ERGIC1: variants seen among roughly 807,000 people sequenced by gnomAD.
The protein encoded by ERGIC1 is endoplasmic reticulum-golgi intermediate compartment 1, also known as endoplasmic reticulum-Golgi intermediate compartment protein 1.
ERGIC1 carries 19 observed loss-of-function variants against 38.3 expected under a neutral mutation model. The ratio of observed to expected loss-of-function variants is 0.50; its 90% CI spans 0.35 to 0.73. The LOEUF (loss-of-function observed/expected upper bound fraction) is 0.73. Among genes scored for constraint, ERGIC1 ranks in the 30% least tolerant of loss-of-function variants. The pLI, the probability that ERGIC1 is intolerant of heterozygous loss-of-function variation, is 0.01. For synonymous variants in ERGIC1, 124 were observed against 157.6 expected (o/e 0.79, Z 1.60); for missense variants, 294 against 389.2 (o/e 0.76, Z 2.06).
intron 1 of ERGIC1, among the ~76,000 whole-genome samples, chr5:172,842,683 GT>G (rs894059748): frequency 7.2e-5 from 11 of 152,118 alleles, no homozygotes; most frequent in African/African-American, 2.2e-4. Context: ...CATGTCTTTT[GT>G]TTTTCTGGTA....
At chr5:172,900,135 G>A (rs1259298504) in intron 3 of ERGIC1, among the ~76,000 whole-genome samples, 1 of 152,194 alleles carries the variant, frequency 6.6e-6, no homozygotes, top group Non-Finnish European at 1.5e-5. Context: ...CTGAGGCAAT[G>A]GGCTGCCAAC....
intron 1 of ERGIC1, among the ~76,000 whole-genome samples, chr5:172,880,837 T>G (rs1048145181): frequency 3.3e-5 from 5 of 152,244 alleles, no homozygotes; most frequent in African/African-American, 9.6e-5. Context: ...ATAAACCGCG[T>G]GCCCAGCTAG....
chr5:172,873,089 C>T (rs1330473010), intron 1 of ERGIC1, among the ~76,000 whole-genome samples: 1 of 152,268 alleles, frequency 6.6e-6, no homozygotes, highest in Non-Finnish European at 1.5e-5. Flanking sequence ...CGGAATAGCT[C>T]CTGCCGCTCA....
intron 1 of ERGIC1, among the ~76,000 whole-genome samples, chr5:172,849,390 C>G (rs114118626): frequency 1.3e-5 from 2 of 152,136 alleles, no homozygotes; most frequent in Admixed American, 1.3e-4. Flanking sequence ...TTCTTAGGGT[C>G]AGGCAAGCTG....
rs1435408555 is a variant in ERGIC1 at position 172,834,746 on chromosome 5, TG to T, written c.20+316del. Among the ~76,000 whole-genome samples, 3 of 151,832 alleles carry T rather than the reference TG, an allele frequency of 2.0e-5. No individual in the cohort carries two copies. The highest frequency in any genetic ancestry group is 3.9e-4 in the East Asian group (2 of 5,136). ...GAAACATTTCCTCCCTCCTCCCAGATGGGAACAGCCCATAACACCCCAGCAT... is the reference window on the plus strand; with the variant it reads ...GAAACATTTCCTCCCTCCTCCCAGATGGAACAGCCCATAACACCCCAGCAT... On this transcript the variant is annotated intron_variant, in intron 1 of 9. Transcript: ENST00000393784. The surrounding 1 kb of genome is among the most constrained non-coding windows in gnomAD (Gnocchi z 4.1).
rs531430067 is a variant in ERGIC1 at position 172,898,761 on chromosome 5, T to C, written c.155+1687T>C. On this transcript the variant is annotated intron_variant, in intron 3 of 9. Transcript: ENST00000393784. ...CAGCTCTGGGAGAGGTTGGTCTGCTTCCCAAGACATGACCCTGTGGCCATG... is the reference window on the plus strand; with the variant it reads ...CAGCTCTGGGAGAGGTTGGTCTGCTCCCCAAGACATGACCCTGTGGCCATG... 2.1e-3 allele frequency among the ~76,000 whole-genome samples: 326 copies of C among 152,156 alleles called. 1 individual carries two copies. The highest frequency in any genetic ancestry group is 3.6e-3 in the Non-Finnish European group (245 of 68,008).
rs1279741580 is a variant in ERGIC1 at position 172,834,347 on chromosome 5, G to A, written c.-67G>A. ...GGCGGCCGGAGGAGGCGTTGGCAGC[G>A]GGCTCGGACCCACGCGGCGCCGCGG... On this transcript the variant is annotated 5_prime_UTR_variant, in exon 1 of 10. Coordinates refer to ENST00000393784, the MANE Select transcript of ERGIC1 (RefSeq NM_001031711.3). The surrounding 1 kb of genome is among the most constrained non-coding windows in gnomAD (Gnocchi z 4.1). 3 of 1,213,146 alleles carry A rather than the reference G, an allele frequency of 2.5e-6. No homozygotes were observed. The highest frequency in any genetic ancestry group is 3.8e-5 in the South Asian group (1 of 26,430). The allele number at this position is 1,213,146 out of a possible 1,614,324, so 75.1% of individuals were successfully genotyped here. A position where few individuals can be genotyped will look rare whatever the true frequency, so the allele number is the denominator to read the frequency against.
chr5:172,871,220 G>A (rs1384983021), intron 1 of ERGIC1, among the ~76,000 whole-genome samples: 5 of 152,254 alleles, frequency 3.3e-5, no homozygotes. Flanking sequence ...AGAAAGGGAT[G>A]CGTGAGCTGA....
chr5:172,851,053 T>C (rs1761390554), intron 1 of ERGIC1, among the ~76,000 whole-genome samples: 2 of 149,346 alleles, frequency 1.3e-5, no homozygotes, highest in Admixed American at 1.3e-4. Flanking sequence ...TACAAAAAAT[T>C]AGCCGGGCAT....
intron 4 of ERGIC1, among the ~76,000 whole-genome samples, chr5:172,912,831 T>C (rs1275590550): frequency 6.6e-6 from 1 of 150,614 alleles, no homozygotes; most frequent in Non-Finnish European, 1.5e-5. Context: ...TACAGTGGCA[T>C]GATCTCAGCT....
intron 9 of ERGIC1, among the ~76,000 whole-genome samples, chr5:172,948,897 T>TA (rs1052071376): frequency 1.3e-5 from 2 of 151,638 alleles, no homozygotes; most frequent in Non-Finnish European, 2.9e-5. Flanking sequence ...AATTAAAAAT[T>TA]AAAAAAAATT....
At chr5:172,850,042 A>G (rs1282071074) in intron 1 of ERGIC1, among the ~76,000 whole-genome samples, 1 of 152,144 alleles carries the variant, frequency 6.6e-6, no homozygotes, top group African/African-American at 2.4e-5. Flanking sequence ...GGGTGTGTCA[A>G]CGTCGTGTGC....
At chr5:172,884,821 A>G (rs62387378) in intron 1 of ERGIC1, among the ~76,000 whole-genome samples, 1 of 152,204 alleles carries the variant, frequency 6.6e-6, no homozygotes, top group Non-Finnish European at 1.5e-5. Flanking sequence ...TATGATACGT[A>G]TATATACATG....
At chr5:172,929,643 T>C (rs1455857595) in intron 7 of ERGIC1, among the ~76,000 whole-genome samples, 1 of 152,110 alleles carries the variant, frequency 6.6e-6, no homozygotes, top group Non-Finnish European at 1.5e-5. Context: ...ATTAGGTCAT[T>C]GTTTATAAAA....
Position 172,908,305 on chromosome 5 carries a change from G to T in ERGIC1, c.156-1362G>T, listed in dbSNP as rs866417319. Among the ~76,000 whole-genome samples the T allele has an allele frequency of 2.7e-3, 14 of 5,246 alleles. 1 individual carries two copies. Among genetic ancestry groups the T allele is most frequent in the African/African-American group, 4.8e-3 (13 of 2,700 alleles). The allele number at this position is 5,246 out of a possible 152,430, so 3.4% of individuals were successfully genotyped here. Reference sequence around the variant, plus strand: ...AGCACTTTGGGAGGCTGAGGCGGGGGCGGGGGGGGGGGGAGAGAGGGGAGG... The same window carrying T: ...AGCACTTTGGGAGGCTGAGGCGGGGTCGGGGGGGGGGGGAGAGAGGGGAGG... On this transcript the variant is annotated intron_variant, in intron 3 of 9. Transcript: ENST00000393784.
At chr5:172,868,443 A>G (rs971074298) in intron 1 of ERGIC1, among the ~76,000 whole-genome samples, 2 of 152,236 alleles carry the variant, frequency 1.3e-5, no homozygotes, top group Non-Finnish European at 2.9e-5. Flanking sequence ...AAATGAAAGA[A>G]GCCAATCTGA....
chr5:172,893,868 GATATATATATATATATATATATAT>G (rs1191189327), intron 2 of ERGIC1, among the ~76,000 whole-genome samples: 805 of 28,314 alleles, frequency 0.028, 67 homozygotes, highest in South Asian at 0.058. Context: ...CACTTAGGGG[GATATATATATATATATATATATAT>G]ATATATATAT....
At chr5:172,940,420 C>T (rs1407599007) in intron 9 of ERGIC1, among the ~76,000 whole-genome samples, 1 of 152,172 alleles carries the variant, frequency 6.6e-6, no homozygotes, top group Non-Finnish European at 1.5e-5. Flanking sequence ...AAAGTGCTCC[C>T]CTCCCACACA....
At chr5:172,936,048 G>C (rs1004739428) in intron 9 of ERGIC1, 17 of 152,332 alleles carry the variant, frequency 1.1e-4, no homozygotes, top group African/African-American at 3.8e-4. Context: ...TATGGCATTG[G>C]GAGGCCCTTA....
Sources: allele counts gnomAD v4.1 joint callset (sites outside exome capture counted in the v4.1 genomes callset), GRCh38; gene constraint gnomAD v4.1.1; non-coding constraint Gnocchi (gnomAD v3.1); transcripts MANE v1.5; gene names NCBI Gene and HGNC (gene_info 2026-07-23, HGNC 2026-07-21).